The following NELL1 variants were observed in gnomAD, a reference collection of about 807,000 sequenced individuals.
NELL1 encodes the protein neural EGFL like 1.
NELL1 carries 76 observed loss-of-function variants against 107.4 expected under a neutral mutation model. That is an observed-to-expected ratio of 0.71 (90% CI 0.59 to 0.86). The LOEUF is 0.86. Ranked by LOEUF, NELL1 falls within the 40% of genes least tolerant of loss-of-function variation. The pLI is 0.00. For missense variants in NELL1, 1,024 were observed against 1,005.5 expected, an observed-to-expected ratio of 1.02 and a Z score of -0.25; for synonymous variants, 353 against 341.2, an observed-to-expected ratio of 1.03 and a Z score of -0.38.
intron 12 of NELL1, among the ~76,000 whole-genome samples, chr11:21,089,535 A>G (rs1034937490): frequency 1.3e-5 from 2 of 152,216 alleles, no homozygotes; most frequent in African/African-American, 4.8e-5. Flanking sequence ...GGCTAACTAT[A>G]TAAATTTTGT....
At chr11:21,248,558 T>C (rs536982293) in intron 14 of NELL1, among the ~76,000 whole-genome samples, 3 of 152,190 alleles carry the variant, frequency 2.0e-5, no homozygotes, top group Admixed American at 6.5e-5. Context: ...TGGGGAATGA[T>C]AGCTGTAGAA....
intron 15 of NELL1, among the ~76,000 whole-genome samples, chr11:21,405,202 T>G (rs1852205124): frequency 7.5e-4 from 1 of 1,326 alleles, no homozygotes; most frequent in South Asian, 0.1. Context: ...CACTAGGTTT[T>G]GTTGCTGCTC....
At chr11:21,527,744 T>C (rs1011611815) in intron 15 of NELL1, among the ~76,000 whole-genome samples, 1 of 152,128 alleles carries the variant, frequency 6.6e-6, no homozygotes, top group Non-Finnish European at 1.5e-5. Context: ...ATCTCTGGTT[T>C]AGGTCCAAGA....
intron 15 of NELL1, among the ~76,000 whole-genome samples, chr11:21,477,657 A>G (rs1299171118): frequency 6.6e-6 from 1 of 152,018 alleles, no homozygotes; most frequent in Non-Finnish European, 1.5e-5. Context: ...GAACATCCAC[A>G]AGCATCAAGA....
At chr11:20,767,828 C>A (rs1856563223) in intron 2 of NELL1, among the ~76,000 whole-genome samples, 1 of 152,182 alleles carries the variant, frequency 6.6e-6, no homozygotes, top group South Asian at 2.1e-4. Context: ...AAAAGACAGT[C>A]CCTGTCTACA....
chr11:21,192,075 AT>A (rs1053425638), intron 13 of NELL1, among the ~76,000 whole-genome samples: 2 of 151,834 alleles, frequency 1.3e-5, no homozygotes, highest in African/African-American at 4.9e-5. Context: ...AAGATATTCT[AT>A]TTTTATAGCA....
At chr11:21,447,958 A>G (rs1853478054) in intron 15 of NELL1, among the ~76,000 whole-genome samples, 1 of 152,262 alleles carries the variant, frequency 6.6e-6, no homozygotes, top group Non-Finnish European at 1.5e-5. Context: ...TGCTCTTTCC[A>G]TGGGTGCCAT....
intron 13 of NELL1, among the ~76,000 whole-genome samples, chr11:21,214,728 C>T (rs577688756): frequency 8.1e-6 from 1 of 122,878 alleles, no homozygotes; most frequent in Non-Finnish European, 1.6e-5. Context: ...TCACAAAATA[C>T]TTGTACATTC....
chr11:21,403,002 C>T (rs1257757433), intron 15 of NELL1, among the ~76,000 whole-genome samples: 1 of 151,708 alleles, frequency 6.6e-6, no homozygotes, highest in African/African-American at 2.4e-5. Flanking sequence ...TTGTCAATAA[C>T]TGTAGGGAAG....
chr11:21,192,209 T>G (rs1857064475), intron 13 of NELL1, among the ~76,000 whole-genome samples: 1 of 151,930 alleles, frequency 6.6e-6, no homozygotes, highest in Non-Finnish European at 1.5e-5. Flanking sequence ...TAATATTTAT[T>G]TAATTGAACT....
intron 15 of NELL1, among the ~76,000 whole-genome samples, chr11:21,458,955 T>TA (rs1439232568): frequency 6.6e-6 from 1 of 152,154 alleles, no homozygotes; most frequent in Admixed American, 6.6e-5. Flanking sequence ...TGTCAGTTTT[T>TA]ATTCCATGTT....
chr11:21,380,867 G>A (rs907428301), intron 15 of NELL1, among the ~76,000 whole-genome samples: 1 of 152,038 alleles, frequency 6.6e-6, no homozygotes, highest in Non-Finnish European at 1.5e-5. Context: ...AAAGAGTACT[G>A]TATTGATGAT....
At chr11:20,832,869 C>G (rs936416159) in intron 3 of NELL1, among the ~76,000 whole-genome samples, 1 of 152,194 alleles carries the variant, frequency 6.6e-6, no homozygotes, top group African/African-American at 2.4e-5. Context: ...AACCCCCACT[C>G]TCATCCTCCA....
In NELL1 at chr11:20,826,004, T is replaced by G. The variant is rs148871666; in HGVS notation, c.336-21579T>G. On this transcript the variant is annotated intron_variant, in intron 3 of 19. Coordinates refer to ENST00000357134, the MANE Select transcript of NELL1 (RefSeq NM_006157.5). ...TGATAGTGAGTGAGTTCTCACAAGA[T>G]CTGATAGTTTTATAAGGGGCTTTCC... Among the ~76,000 whole-genome samples, 428 of 151,296 alleles carry G rather than the reference T, an allele frequency of 2.8e-3. 3 individuals carry two copies. The highest frequency in any genetic ancestry group is 1.0e-2 in the African/African-American group (413 of 41,438).
At chr11:20,971,891 TG>T (rs761264720) in intron 12 of NELL1, among the ~76,000 whole-genome samples, 101 of 152,288 alleles carry the variant, frequency 6.6e-4, no homozygotes, top group Non-Finnish European at 1.1e-3. Context: ...TGGATGAAGC[TG>T]GAAGCCATCA....
chr11:20,990,643 T>G (rs1851952094), intron 12 of NELL1, among the ~76,000 whole-genome samples: 1 of 152,160 alleles, frequency 6.6e-6, no homozygotes, highest in Non-Finnish European at 1.5e-5. Context: ...TCTTAGAAGG[T>G]CAAAGCATTC....
Position 20,863,889 on chromosome 11 carries a change from C to T in NELL1, c.506+16136C>T, listed in dbSNP as rs184926726. Among the ~76,000 whole-genome samples, 966 of 152,308 alleles carry T rather than the reference C, an allele frequency of 6.3e-3. 8 individuals carry two copies. The highest frequency in any genetic ancestry group is 0.022 in the African/African-American group (929 of 41,584). On this transcript the variant is annotated intron_variant, in intron 4 of 19. Transcript: ENST00000357134. ...AGGAGGCGGAAGCTGGCGGATCACT[C>T]GCGGTTAGGAGCTGGAGACCAGCCC...
intron 15 of NELL1, among the ~76,000 whole-genome samples, chr11:21,442,406 C>G (rs1259035393): frequency 6.6e-6 from 1 of 152,050 alleles, no homozygotes; most frequent in East Asian, 1.9e-4. Context: ...TTTTCCACCA[C>G]CTGGCACTGC....
rs115389543 is a variant in NELL1, at chr11:20,746,476, C to G, written c.185-37204C>G. On this transcript the variant is annotated intron_variant, in intron 2 of 19. Coordinates refer to ENST00000357134, the MANE Select transcript of NELL1 (RefSeq NM_006157.5). ...AGATATTAATATTGTCCTCCCTTCA[C>G]ATATGTAGAAAAGCATCGAAGTATG... Among the ~76,000 whole-genome samples the G allele has an allele frequency of 3.9e-3, 589 of 152,166 alleles. 1 individual carries two copies. The highest frequency in any genetic ancestry group is 0.013 in the African/African-American group (559 of 41,500).
Sources: gnomAD v4.1 joint callset for allele counts (sites outside exome capture counted in the v4.1 genomes callset) on GRCh38, gnomAD v4.1.1 for gene constraint, MANE v1.5 for transcripts, NCBI Gene and HGNC (gene_info 2026-07-23, HGNC 2026-07-21) for gene names.